The following FEM1B variants were observed in gnomAD, a reference collection of about 807,000 sequenced individuals.
FEM1B encodes fem-1 homolog B.
A neutral mutation model predicts 38.6 loss-of-function variants in FEM1B; 10 were observed. That is an observed-to-expected ratio of 0.26 (90% CI 0.16 to 0.44). The LOEUF (loss-of-function observed/expected upper bound fraction) is 0.44, where lower values mean the gene tolerates loss of function less well. Among genes scored for constraint, FEM1B ranks in the 20% least tolerant of loss-of-function variants. The pLI, the probability that FEM1B is intolerant of heterozygous loss-of-function variation, is 1.00. For synonymous variants in FEM1B, 288 were observed against 288.0 expected, an observed-to-expected ratio of 1.00 and a Z score of 0.00; for missense variants, 471 against 786.7, an observed-to-expected ratio of 0.60 and a Z score of 4.80.
chr15:68,279,258 T>A (rs762112500), intron 1 of FEM1B, among the ~76,000 whole-genome samples: 7 of 152,190 alleles, frequency 4.6e-5, no homozygotes, highest in African/African-American at 1.7e-4. Context: ...GGTGTAGATA[T>A]ATTGGCTACT....
chr15:68,278,385 GC>G lies in FEM1B; in HGVS notation c.-32del, dbSNP rs1427756949. The stretch of plus-strand genomic sequence containing the variant: ...GGGGCGCACGGCAGCTGCAGCGGTG[GC>G]GACCAAACGGGTGTTGGAGTTGGCG... On this transcript the variant is annotated 5_prime_UTR_variant, in exon 1 of 2. Coordinates refer to ENST00000306917, the MANE Select transcript of FEM1B (RefSeq NM_015322.5). This position sits in a 1 kb window ranked among gnomAD's most constrained non-coding sequence, Gnocchi z 5.7. 6.3e-7 allele frequency: 1 copy of G among 1,594,158 alleles called. No homozygotes were observed. Among genetic ancestry groups the G allele is most frequent in the South Asian group, 1.1e-5 (1 of 89,316 alleles).
In FEM1B at chr15:68,294,528, C is replaced by G. The variant is rs1595842818; in HGVS notation, c.*3286C>G. On this transcript the variant is annotated 3_prime_UTR_variant, in exon 2 of 2. Transcript: ENST00000306917. The surrounding 1 kb of genome is among the most constrained non-coding windows in gnomAD (Gnocchi z 4.4). ...AGCAACACCCTGTTAAGAGTTTTCA[C>G]TATAGTTGAGGCAGCTACTTTATGA... 2 of 151,806 alleles carry G rather than the reference C, an allele frequency of 1.3e-5. No homozygotes were observed. The highest frequency in any genetic ancestry group is 4.2e-4 in the South Asian group (2 of 4,802). The allele number at this position is 151,806 out of a possible 1,614,324, so 9.4% of individuals were successfully genotyped here.
In FEM1B at chr15:68,280,760, G is replaced by T. The variant is rs1768230087; in HGVS notation, c.248+2095G>T. Among the ~76,000 whole-genome samples, 1 of 152,164 alleles carries T rather than the reference G, an allele frequency of 6.6e-6. No individual in the cohort carries two copies. ...GTATAAAGTACTAAGAGTAAGACTG[G>T]TTAAACTGCAATCTCAAATGTTTCC... is the stretch of plus-strand genomic sequence containing the variant. On this transcript the variant is annotated intron_variant, in intron 1 of 1. Coordinates refer to ENST00000306917, the MANE Select transcript of FEM1B (RefSeq NM_015322.5). This position sits in a 1 kb window ranked among gnomAD's most constrained non-coding sequence, Gnocchi z 4.2.
chr15:68,288,024 T>C lies in FEM1B; in HGVS notation c.249-1583T>C, dbSNP rs1892808269. ...TCTGTATTTTTGGTAGAGATGGGGTTTCACCATGTTGGCCAGGCTCGTCTT... is the reference window on the plus strand; with the variant it reads ...TCTGTATTTTTGGTAGAGATGGGGTCTCACCATGTTGGCCAGGCTCGTCTT... On this transcript the variant is annotated intron_variant, in intron 1 of 1. Coordinates refer to ENST00000306917, the MANE Select transcript of FEM1B (RefSeq NM_015322.5). This position sits in a 1 kb window ranked among gnomAD's most constrained non-coding sequence, Gnocchi z 4.6. Among the ~76,000 whole-genome samples, 1 of 151,898 alleles carries C rather than the reference T, an allele frequency of 6.6e-6. No homozygotes were observed.
At position 68,290,021 on chromosome 15, in the gene FEM1B, G is replaced by A. The variant is rs34917142; in HGVS notation, c.663G>A (p.Thr221=). The A allele has an allele frequency of 2.2e-3, 3,471 of 1,614,190 alleles. 73 individuals are homozygous for A. The African/African-American group carries it at 0.04, about 19-fold the overall frequency. The part of the protein sequence containing the change: ...AAIVVNGHGM[T]PLKVAAESCK... The stretch of plus-strand genomic sequence containing the variant: ...TAGTAGTGAATGGCCATGGGATGAC[G>A]CCATTGAAAGTAGCTGCCGAAAGCT... Residue 221 remains threonine (T), a synonymous_variant, in exon 2 of 2, where the codon ACG becomes ACA. Coordinates refer to ENST00000306917, the MANE Select transcript of FEM1B (RefSeq NM_015322.5). The surrounding 1 kb of genome is among the most constrained non-coding windows in gnomAD (Gnocchi z 9.7).
At chr15:68,287,830 C>CTTTTT (rs71455589) in intron 1 of FEM1B, among the ~76,000 whole-genome samples, 3 of 114,660 alleles carry the variant, frequency 2.6e-5, no homozygotes, top group Non-Finnish European at 3.7e-5. Context: ...GCTAACGTCT[C>CTTTTT]TTTTTTTTTT....
At chr15:68,285,794 C>T (rs1035609661) in intron 1 of FEM1B, among the ~76,000 whole-genome samples, 14 of 151,848 alleles carry the variant, frequency 9.2e-5, no homozygotes, top group Admixed American at 4.6e-4. Context: ...AGCCCCCCCG[C>T]AGTGCTGGGA....
Position 68,293,659 on chromosome 15 carries a change from A to G in FEM1B, c.*2417A>G, listed in dbSNP as rs780845695. 1 of 152,206 alleles carries G rather than the reference A, an allele frequency of 6.6e-6. No homozygotes were observed. The highest frequency in any genetic ancestry group is 1.5e-5 in the Non-Finnish European group (1 of 68,020). 9.4% of individuals were successfully genotyped at this position (152,206 alleles called of 1,614,324 possible). A position where few individuals can be genotyped will look rare whatever the true frequency, so the allele number is the denominator to read the frequency against. On this transcript the variant is annotated 3_prime_UTR_variant, in exon 2 of 2. Transcript: ENST00000306917. The surrounding 1 kb of genome is among the most constrained non-coding windows in gnomAD (Gnocchi z 5.8). Reference sequence around the variant, plus strand: ...AGTATCTTGCTGAGAATCTAATTCTATCTTGTAAAATCAATCCAAATGTGT... The same window carrying G: ...AGTATCTTGCTGAGAATCTAATTCTGTCTTGTAAAATCAATCCAAATGTGT...
At chr15:68,282,246 C>CT (rs1413193532) in intron 1 of FEM1B, among the ~76,000 whole-genome samples, 2 of 140,390 alleles carry the variant, frequency 1.4e-5, no homozygotes, top group African/African-American at 2.5e-5. Context: ...AATTTTGAGG[C>CT]TTTTTGTTGA....
In FEM1B at chr15:68,291,591, T is replaced by G. The variant is rs926358720; in HGVS notation, c.*349T>G. The stretch of plus-strand genomic sequence containing the variant: ...TTTAAACAGCTGCTTACAAAAGTAT[T>G]TCTGTTAAGCCTATGTCAGCATGTT... On this transcript the variant is annotated 3_prime_UTR_variant, in exon 2 of 2. Transcript: ENST00000306917. This position sits in a 1 kb window ranked among gnomAD's most constrained non-coding sequence, Gnocchi z 6.9. 1.4e-5 allele frequency: 3 copies of G among 217,174 alleles called. No individual in the cohort carries two copies. The highest frequency in any genetic ancestry group is 6.9e-5 in the African/African-American group (3 of 43,530). 13.5% of individuals were successfully genotyped at this position (217,174 alleles called of 1,614,324 possible).
intron 1 of FEM1B, among the ~76,000 whole-genome samples, chr15:68,287,026 TACAAGCATG>T (rs1212899346): frequency 5.9e-5 from 9 of 151,534 alleles, no homozygotes; most frequent in Non-Finnish European, 1.2e-4. Flanking sequence ...TAGCTGGGAT[TACAAGCATG>T]TGCCACCACC....
In FEM1B at chr15:68,278,660, C is replaced by T; in HGVS notation, c.243C>T (p.Phe81=). 3 of 1,613,876 alleles carry T rather than the reference C, an allele frequency of 1.9e-6. No individual in the cohort carries two copies. Among genetic ancestry groups the T allele is most frequent in the Non-Finnish European group, 1.7e-6 (2 of 1,180,008 alleles). ...CTCAGCAGACTGGCACCGTCCGCTT[C>T]GACGGGTAGGTACATCCCAAGCCAG... The part of the protein sequence containing the change: ...VQTQQTGTVR[F]DGYVIDGATA... The change falls in exon 1 of 2, where the codon TTC becomes TTT. Residue 81 remains phenylalanine (F), a synonymous_variant. Coordinates refer to ENST00000306917, the MANE Select transcript of FEM1B (RefSeq NM_015322.5). The surrounding 1 kb of genome is among the most constrained non-coding windows in gnomAD (Gnocchi z 5.7).
In FEM1B at chr15:68,278,654, C is replaced by T. The variant is rs758640118; in HGVS notation, c.237C>T (p.Val79=). Residue 79 remains valine (V), a synonymous_variant, in exon 1 of 2, where the codon GTC becomes GTT. Transcript: ENST00000306917. The surrounding 1 kb of genome is among the most constrained non-coding windows in gnomAD (Gnocchi z 5.7). ...TGCAGACTCAGCAGACTGGCACCGT[C>T]CGCTTCGACGGGTAGGTACATCCCA... The part of the protein sequence containing the change: ...YRVQTQQTGT[V]RFDGYVIDGA... The T allele has an allele frequency of 3.1e-6, 5 of 1,613,968 alleles. No individual in the cohort carries two copies. The highest frequency in any genetic ancestry group is 1.1e-5 in the South Asian group (1 of 91,086).
At chr15:68,279,305 T>C (rs564242738) in intron 1 of FEM1B, among the ~76,000 whole-genome samples, 9 of 152,322 alleles carry the variant, frequency 5.9e-5, no homozygotes, top group Admixed American at 3.3e-4. Flanking sequence ...GATGATGCCA[T>C]TCTTAAATTA....
In FEM1B at chr15:68,284,927, TG is replaced by T. The variant is rs1156781692; in HGVS notation, c.249-4679del. ...GCCATCCATGTAAGATGTGACTTGC[TG>T]CTCCTTGCCTTCTGCCATGATTGTG... On this transcript the variant is annotated intron_variant, in intron 1 of 1. Transcript: ENST00000306917. The surrounding 1 kb of genome is among the most constrained non-coding windows in gnomAD (Gnocchi z 4.4). Among the ~76,000 whole-genome samples the T allele has an allele frequency of 2.0e-5, 3 of 152,228 alleles. No individual in the cohort carries two copies. The highest frequency in any genetic ancestry group is 7.2e-5 in the African/African-American group (3 of 41,462).
rs982479120 is a variant in FEM1B, at chr15:68,288,266, A to G, written c.249-1341A>G. ...TGAATTTTGGTGGGAACACATTCAAACTATAGCACCAGGAGCATTATTCTC... is the reference window on the plus strand; with the variant it reads ...TGAATTTTGGTGGGAACACATTCAAGCTATAGCACCAGGAGCATTATTCTC... On this transcript the variant is annotated intron_variant, in intron 1 of 1. Transcript: ENST00000306917. The surrounding 1 kb of genome is among the most constrained non-coding windows in gnomAD (Gnocchi z 4.6). 6.6e-6 allele frequency among the ~76,000 whole-genome samples: 1 copy of G among 152,222 alleles called. No homozygotes were observed. The highest frequency in any genetic ancestry group is 1.5e-5 in the Non-Finnish European group (1 of 68,046).
At position 68,278,680 on chromosome 15, in the gene FEM1B, A is replaced by T. The variant is rs748103951; in HGVS notation, c.248+15A>T. On this transcript the variant is annotated intron_variant, in intron 1 of 1. Coordinates refer to ENST00000306917, the MANE Select transcript of FEM1B (RefSeq NM_015322.5). This position sits in a 1 kb window ranked among gnomAD's most constrained non-coding sequence, Gnocchi z 5.7. Reference sequence around the variant, plus strand: ...CGCTTCGACGGGTAGGTACATCCCAAGCCAGCCTCTCTCCGACGCGCGCGG... The same window carrying T: ...CGCTTCGACGGGTAGGTACATCCCATGCCAGCCTCTCTCCGACGCGCGCGG... 2.1e-5 allele frequency: 34 copies of T among 1,611,322 alleles called. No homozygotes were observed. Among genetic ancestry groups the T allele is most frequent in the Non-Finnish European group, 2.5e-5 (29 of 1,178,156 alleles).
rs768950392 is a variant in FEM1B, at chr15:68,290,163, A to G, written c.805A>G (p.Ile269Val). 1 of 1,614,030 alleles carries G rather than the reference A, an allele frequency of 6.2e-7. No homozygotes were observed. Among genetic ancestry groups the G allele is most frequent in the Non-Finnish European group, 8.5e-7 (1 of 1,180,002 alleles). ...TGCAAATGACCGTGAGAACTATGACATCATAAAGACATACCACTATCTATA... is the reference window on the plus strand; with the variant it reads ...TGCAAATGACCGTGAGAACTATGACGTCATAAAGACATACCACTATCTATA... ...SFANDRENYD[I>V]IKTYHYLYLA... The change falls in exon 2 of 2, where the codon ATC (isoleucine) becomes GTC (valine). Residue 269 changes from isoleucine (I) to valine (V), a missense_variant. By Grantham distance (29) the Ile-to-Val change is conservative. This residue lies in a region of FEM1B where 380 missense variants were observed against 599.6 expected (regional missense o/e 0.63). Transcript: ENST00000306917. This position sits in a 1 kb window ranked among gnomAD's most constrained non-coding sequence, Gnocchi z 9.7.
chr15:68,278,694 C>T lies in FEM1B; in HGVS notation c.248+29C>T, dbSNP rs374653124. 5 of 1,610,460 alleles carry T rather than the reference C, an allele frequency of 3.1e-6. No individual in the cohort carries two copies. Among genetic ancestry groups the T allele is most frequent in the Middle Eastern group, 1.7e-4 (1 of 6,050 alleles). ...GGTACATCCCAAGCCAGCCTCTCTC[C>T]GACGCGCGCGGACTCGTTAATTCAC... On this transcript the variant is annotated intron_variant, in intron 1 of 1. Coordinates refer to ENST00000306917, the MANE Select transcript of FEM1B (RefSeq NM_015322.5). The surrounding 1 kb of genome is among the most constrained non-coding windows in gnomAD (Gnocchi z 5.7).
Sources: allele counts gnomAD v4.1 joint callset (sites outside exome capture counted in the v4.1 genomes callset), GRCh38; gene constraint gnomAD v4.1.1; regional missense constraint gnomAD v4.1.1; non-coding constraint Gnocchi (gnomAD v3.1); transcripts MANE v1.5; gene names NCBI Gene and HGNC (gene_info 2026-07-23, HGNC 2026-07-21).